FASTKD1: variants seen among roughly 807,000 people sequenced by gnomAD.
FASTKD1 encodes the protein FAST kinase domains 1.
Under a neutral mutation model 90.9 loss-of-function variants are expected in FASTKD1, and 94 were observed. The ratio of observed to expected loss-of-function variants is 1.03; its 90% CI spans 0.88 to 1.23. The LOEUF (loss-of-function observed/expected upper bound fraction) is 1.23. FASTKD1 is among the 50% of genes most tolerant of loss of function. The pLI, the probability that FASTKD1 is intolerant of heterozygous loss-of-function variation, is 0.00. For synonymous variants in FASTKD1, 319 were observed against 345.8 expected (o/e 0.92, Z 0.86); for missense variants, 945 against 993.5 (o/e 0.95, Z 0.66).
intron 3 of FASTKD1, among the ~76,000 whole-genome samples, chr2:169,568,802 C>T (rs527399645): frequency 3.0e-4 from 46 of 151,854 alleles, no homozygotes; most frequent in African/African-American, 1.1e-3. Context: ...AGTTCAAGAC[C>T]AGCCTGGCCA....
At chr2:169,565,360 T>C (rs189493381) in intron 3 of FASTKD1, among the ~76,000 whole-genome samples, 5 of 147,074 alleles carry the variant, frequency 3.4e-5, no homozygotes, top group African/African-American at 5.0e-5. Flanking sequence ...CCTCCCGAGT[T>C]CACGCCATTC....
intron 6 of FASTKD1, among the ~76,000 whole-genome samples, chr2:169,556,906 C>T (rs1683344514): frequency 1.3e-5 from 2 of 151,300 alleles, no homozygotes; most frequent in Admixed American, 1.3e-4. Context: ...ACTCAGGAGG[C>T]TGAGGCAAGA....
At chr2:169,561,972 A>T (rs866800835) in intron 4 of FASTKD1, among the ~76,000 whole-genome samples, 2 of 124,202 alleles carry the variant, frequency 1.6e-5, no homozygotes, top group Admixed American at 9.1e-5. Context: ...TTGTAAATTA[A>T]TTATTCATTA....
At chr2:169,558,887 C>T (rs956147377) in intron 5 of FASTKD1, among the ~76,000 whole-genome samples, 1 of 151,976 alleles carries the variant, frequency 6.6e-6, no homozygotes, top group Admixed American at 6.6e-5. Context: ...CCGTGCTGGG[C>T]CCCAATAGTT....
rs2105361871 is a variant in FASTKD1 at position 169,546,296 on chromosome 2, A to G, written c.1623T>C (p.Ser541=). The change falls in exon 8 of 15, where the codon TCT becomes TCC. Residue 541 remains serine (S), a synonymous_variant. Transcript: ENST00000453153. ...INYINVGEIA[S]FISSTDYLST... Reference sequence around the variant, plus strand: ...TGAGGTAATCAGTACTAGAAATAAAAGATGCAATCTCCCCAACATTTATGT... The same window carrying G: ...TGAGGTAATCAGTACTAGAAATAAAGGATGCAATCTCCCCAACATTTATGT... 6.2e-7 allele frequency: 1 copy of G among 1,613,860 alleles called. No homozygotes were observed. The highest frequency in any genetic ancestry group is 8.5e-7 in the Non-Finnish European group (1 of 1,179,876).
intron 7 of FASTKD1, among the ~76,000 whole-genome samples, chr2:169,547,763 T>C (rs1163893286): frequency 1.3e-5 from 2 of 151,266 alleles, no homozygotes; most frequent in African/African-American, 4.9e-5. Context: ...TGTGCACCTG[T>C]AATCCCAGCT....
intron 1 of FASTKD1, chr2:169,572,884 T>C (rs1488463802): frequency 6.6e-6 from 1 of 152,194 alleles, no homozygotes; most frequent in Non-Finnish European, 1.5e-5. Context: ...AATTGAGAAG[T>C]AATGGTTAGA....
Position 169,573,737 on chromosome 2 carries a change from C to T in FASTKD1, c.-211G>A, listed in dbSNP as rs1269106492. 6.6e-6 allele frequency: 1 copy of T among 152,252 alleles called. No individual in the cohort carries two copies. The highest frequency in any genetic ancestry group is 6.5e-5 in the Admixed American group (1 of 15,284). The allele number at this position is 152,252 out of a possible 1,614,324, so 9.4% of individuals were successfully genotyped here. A position where few individuals can be genotyped will look rare whatever the true frequency, so the allele number is the denominator to read the frequency against. ...CCTGGGGTTATGAAAGCTCAGAAGT[C>T]AGGGTTATTCCTGGTCCCAACACGG... On this transcript the variant is annotated 5_prime_UTR_variant, in exon 1 of 15. Transcript: ENST00000453153.
chr2:169,535,800 C>T (rs1255496973), intron 12 of FASTKD1, among the ~76,000 whole-genome samples: 2 of 152,218 alleles, frequency 1.3e-5, no homozygotes, highest in Non-Finnish European at 2.9e-5. Context: ...CTTCAGAAAG[C>T]AGTCAATAAT....
intron 3 of FASTKD1, among the ~76,000 whole-genome samples, chr2:169,568,628 T>TAAAAAAAAAAAAAA (rs10618482): frequency 1.7e-4 from 7 of 41,508 alleles, no homozygotes; most frequent in East Asian, 9.7e-4. Flanking sequence ...CCCTGTCCAT[T>TAAAAAAAAAAAAAA]AAAAAAAAAA....
In FASTKD1 at chr2:169,557,317, A is replaced by C; in HGVS notation, c.972-20T>G. ...TTAAGTCTAGAAGCAAAAAAAAAAA[A>C]GTTTTTGGTTGAAAGACTGAAAATT... On this transcript the variant is annotated intron_variant, in intron 5 of 14. Transcript: ENST00000453153. The C allele has an allele frequency of 1.4e-6, 2 of 1,429,122 alleles. No individual in the cohort carries two copies. The highest frequency in any genetic ancestry group is 1.9e-6 in the Non-Finnish European group (2 of 1,045,662). The allele number at this position is 1,429,122 out of a possible 1,614,324, so 88.5% of individuals were successfully genotyped here.
intron 2 of FASTKD1, among the ~76,000 whole-genome samples, chr2:169,570,468 TA>T (rs1684183591): frequency 6.6e-6 from 1 of 152,186 alleles, no homozygotes; most frequent in Admixed American, 6.5e-5. Context: ...ACCATCCACA[TA>T]ATTTGTATAA....
Position 169,546,583 on chromosome 2 carries a change from A to G in FASTKD1, c.1336T>C (p.Cys446Arg), listed in dbSNP as rs35106223. Residue 446 changes from cysteine (C) to arginine (R), a missense_variant, in exon 8 of 15, where the codon TGT (cysteine) becomes CGT (arginine). Physicochemically the swap from Cys to Arg is radical, Grantham distance 180. Transcript: ENST00000453153. ...AAACTACTCAGGTTATTTAGGTCAC[A>G]CTGTGGTAAAACGGCTTCAATTCGG... ...ISRIEAVLPQCDLNNLSSFAT... is the reference protein window; with the variant it reads ...ISRIEAVLPQRDLNNLSSFAT... The G allele has an allele frequency of 1.9e-6, 3 of 1,614,072 alleles. No individual in the cohort carries two copies. The highest frequency in any genetic ancestry group is 8.5e-7 in the Non-Finnish European group (1 of 1,180,038).
intron 3 of FASTKD1, 36 bp downstream of exon 3, chr2:169,569,148 T>C: frequency 1.9e-6 from 3 of 1,562,012 alleles, no homozygotes; most frequent in Non-Finnish European, 2.6e-6. Flanking sequence ...CTGAAAAGAA[T>C]AACCCTGATC....
Position 169,529,320 on chromosome 2 carries a change from C to T in FASTKD1, c.*505G>A, listed in dbSNP as rs528568122. On this transcript the variant is annotated 3_prime_UTR_variant, in exon 15 of 15. Coordinates refer to ENST00000453153, the MANE Select transcript of FASTKD1 (RefSeq NM_024622.6). The stretch of plus-strand genomic sequence containing the variant: ...CTCCTATTTGTCTCATACCTCATAT[C>T]CAATCAGTGAGCAAATTCTGTTGCC... 6.6e-6 allele frequency among the ~76,000 whole-genome samples: 1 copy of T among 152,258 alleles called. No homozygotes were observed. The highest frequency in any genetic ancestry group is 2.1e-4 in the South Asian group (1 of 4,818).
rs1188483010 is a variant in FASTKD1, at chr2:169,572,132, T to G, written c.-103A>C. ...CAGTTTTTCCTTCATGTATTTTGCT[T>G]CCATTACAATGACTGTAAACGCATT... On this transcript the variant is annotated 5_prime_UTR_variant, in exon 2 of 15. Coordinates refer to ENST00000453153, the MANE Select transcript of FASTKD1 (RefSeq NM_024622.6). The G allele has an allele frequency of 2.1e-6, 3 of 1,398,744 alleles. No homozygotes were observed. Among genetic ancestry groups the G allele is most frequent in the South Asian group, 1.5e-5 (1 of 66,978 alleles). The allele number at this position is 1,398,744 out of a possible 1,614,324, so 86.6% of individuals were successfully genotyped here. A position where few individuals can be genotyped will look rare whatever the true frequency, so the allele number is the denominator to read the frequency against.
chr2:169,568,556 G>A (rs1684091065), intron 3 of FASTKD1, among the ~76,000 whole-genome samples: 1 of 145,940 alleles, frequency 6.9e-6, no homozygotes, highest in Admixed American at 7.2e-5. Context: ...ACTTTGTGAG[G>A]CCAAGGAGGA....
rs1407871362 is a variant in FASTKD1 at position 169,560,791 on chromosome 2, A to G, written c.573-6T>C. The G allele has an allele frequency of 2.7e-6, 4 of 1,504,266 alleles. No individual in the cohort carries two copies. Among genetic ancestry groups the G allele is most frequent in the Admixed American group, 2.4e-5 (1 of 41,052 alleles). 93.2% of individuals were successfully genotyped at this position (1,504,266 alleles called of 1,614,324 possible). A position where few individuals can be genotyped will look rare whatever the true frequency, so the allele number is the denominator to read the frequency against. ...CCATCAAGACAGACAAGGAACTGAAAAAGAAAAAAGATGCAAAGATTTTTA... is the reference window on the plus strand; with the variant it reads ...CCATCAAGACAGACAAGGAACTGAAGAAGAAAAAAGATGCAAAGATTTTTA... On this transcript the variant is annotated splice_region_variant and splice_polypyrimidine_tract_variant and intron_variant, in intron 4 of 14. Coordinates refer to ENST00000453153, the MANE Select transcript of FASTKD1 (RefSeq NM_024622.6).
At chr2:169,557,427 C>G (rs552122972) in intron 5 of FASTKD1, 130 bp from the exon 6 acceptor site, 1 of 518,358 alleles carries the variant, frequency 1.9e-6, no homozygotes, top group South Asian at 2.4e-5. Context: ...ATATATAATT[C>G]TAGTGTTCTC....
Sources: allele counts gnomAD v4.1 joint callset (sites outside exome capture counted in the v4.1 genomes callset), GRCh38; gene constraint gnomAD v4.1.1; transcripts MANE v1.5; gene names NCBI Gene and HGNC (gene_info 2026-07-23, HGNC 2026-07-21).